The following BRAF variants were observed in gnomAD, a reference collection of about 807,000 sequenced individuals.
BRAF encodes the protein serine/threonine-protein kinase B-raf.
A neutral mutation model predicts 104.6 loss-of-function variants in BRAF; 16 were observed. The ratio of observed to expected loss-of-function variants is 0.15; its 90% confidence interval spans 0.10 to 0.23. The LOEUF is 0.23. Ranked by LOEUF, BRAF falls within the 10% of genes least tolerant of loss-of-function variation. The pLI, the probability that BRAF is intolerant of heterozygous loss-of-function variation, is 1.00. For missense variants in BRAF, 541 were observed against 937.3 expected (o/e 0.58, Z 5.52); for synonymous variants, 310 against 341.6 (o/e 0.91, Z 1.02).
At position 140,726,365 on chromosome 7, in the gene BRAF, C is replaced by T; in HGVS notation, c.*129G>A. The T allele has an allele frequency of 6.1e-6, 9 of 1,480,384 alleles. No individual in the cohort carries two copies. The highest frequency in any genetic ancestry group is 3.5e-4 in the Middle Eastern group (2 of 5,690). The allele number at this position is 1,480,384 out of a possible 1,614,324, so 91.7% of individuals were successfully genotyped here. On this transcript the variant is annotated 3_prime_UTR_variant, in exon 20 of 20. Transcript: ENST00000644969. Reference sequence around the variant, plus strand: ...GGATGGGAAATTCCATTCTGTTCCACATCAGCTTATGCATTGGAAATTTTG... The same window carrying T: ...GGATGGGAAATTCCATTCTGTTCCATATCAGCTTATGCATTGGAAATTTTG...
intron 14 of BRAF, among the ~76,000 whole-genome samples, chr7:140,759,615 A>G (rs990502479): frequency 5.9e-5 from 9 of 152,198 alleles, no homozygotes; most frequent in African/African-American, 2.2e-4. Context: ...TGAACTCCCG[A>G]CCTCAAGTGA....
intron 14 of BRAF, among the ~76,000 whole-genome samples, chr7:140,762,247 A>G (rs6960531): frequency 0.96 from 145,729 of 151,886 alleles, 69,988 homozygotes; most frequent in East Asian, 1. Flanking sequence ...ACTCAAAACC[A>G]CTCAACTACA....
chr7:140,725,112 G>A lies in BRAF; in HGVS notation c.*1382C>T. 2 of 1,042,902 alleles carry A rather than the reference G, an allele frequency of 1.9e-6. No individual in the cohort carries two copies. Among genetic ancestry groups the A allele is most frequent in the Non-Finnish European group, 2.3e-6 (2 of 865,186 alleles). 64.6% of individuals were successfully genotyped at this position (1,042,902 alleles called of 1,614,324 possible). On this transcript the variant is annotated 3_prime_UTR_variant, in exon 20 of 20. Coordinates refer to ENST00000644969, the MANE Select transcript of BRAF (RefSeq NM_001374258.1). ...AAATTGCCCAACCTTTTGAAGACCAGGCTTGGGAAAAAAGGAAGAAGGAGA... is the reference window on the plus strand; with the variant it reads ...AAATTGCCCAACCTTTTGAAGACCAAGCTTGGGAAAAAAGGAAGAAGGAGA...
rs1413343000 is a variant in BRAF, at chr7:140,781,646, A to G, written c.1482T>C (p.Asp494=). ...RDSSDDWEIP[D]GQITVGQRIG... is the part of the protein sequence containing the mutation. ...TTCTTTGTCCCACTGTAATCTGCCC[A>G]TCAGGAATCTCCCAATCATCACTCG... The change falls in exon 12 of 20, where the codon GAT becomes GAC. Residue 494 remains aspartate (D), a synonymous_variant. Coordinates refer to ENST00000644969, the MANE Select transcript of BRAF (RefSeq NM_001374258.1). 6.2e-7 allele frequency: 1 copy of G among 1,614,122 alleles called. No individual in the cohort carries two copies. The highest frequency in any genetic ancestry group is 2.2e-5 in the East Asian group (1 of 44,868).
chr7:140,848,158 G>A (rs546757556), intron 2 of BRAF, among the ~76,000 whole-genome samples: 1 of 152,270 alleles, frequency 6.6e-6, no homozygotes, highest in Admixed American at 6.5e-5. Flanking sequence ...GAAGGGAATA[G>A]AAATATTTAG....
chr7:140,864,430 A>G (rs1206660572), intron 1 of BRAF, among the ~76,000 whole-genome samples: 1 of 152,198 alleles, frequency 6.6e-6, no homozygotes, highest in African/African-American at 2.4e-5. Context: ...GAGGCTTACT[A>G]AATGATCAAG....
chr7:140,802,404 C>G (rs1254164310), intron 5 of BRAF, among the ~76,000 whole-genome samples: 2 of 146,908 alleles, frequency 1.4e-5, no homozygotes, highest in Non-Finnish European at 3.0e-5. Context: ...TCAAGTGATT[C>G]TCCTGCTTCA....
chr7:140,869,527 GGAGGCT>G (rs1317187062), intron 1 of BRAF, among the ~76,000 whole-genome samples: 2 of 152,084 alleles, frequency 1.3e-5, no homozygotes, highest in Admixed American at 1.3e-4. Context: ...CAGCTACTCA[GGAGGCT>G]GAGGCATGAG....
chr7:140,858,715 G>A (rs1340241141), intron 1 of BRAF, among the ~76,000 whole-genome samples: 1 of 151,966 alleles, frequency 6.6e-6, no homozygotes, highest in African/African-American at 2.4e-5. Context: ...TCCTACATAT[G>A]ATATTTTGGT....
chr7:140,781,640 C>T lies in BRAF; in HGVS notation c.1488G>A (p.Gln496=), dbSNP rs767473452. The T allele has an allele frequency of 1.2e-6, 2 of 1,614,134 alleles. No homozygotes were observed. Among genetic ancestry groups the T allele is most frequent in the Admixed American group, 1.7e-5 (1 of 60,014 alleles). Residue 496 remains glutamine, a synonymous_variant, in exon 12 of 20, where the codon CAG becomes CAA. Coordinates refer to ENST00000644969, the MANE Select transcript of BRAF (RefSeq NM_001374258.1). ...SSDDWEIPDG[Q]ITVGQRIGSG... The stretch of plus-strand genomic sequence containing the variant: ...ATCCAATTCTTTGTCCCACTGTAAT[C>T]TGCCCATCAGGAATCTCCCAATCAT...
chr7:140,771,065 T>C (rs1220809631), intron 14 of BRAF, among the ~76,000 whole-genome samples: 1 of 151,948 alleles, frequency 6.6e-6, no homozygotes, highest in Non-Finnish European at 1.5e-5. Context: ...GAATCAGAAA[T>C]AGTTTTTCAC....
In BRAF at chr7:140,810,074, A is replaced by G. The variant is rs189087431; in HGVS notation, c.505-1079T>C. ...TAGTTTGTAACAATAAGTTCCATTC[A>G]TTTAAATTGAGGTGCTTAGCAAACC... On this transcript the variant is annotated intron_variant, in intron 3 of 19. Coordinates refer to ENST00000644969, the MANE Select transcript of BRAF (RefSeq NM_001374258.1). Among the ~76,000 whole-genome samples the G allele has an allele frequency of 1.5e-3, 222 of 152,308 alleles. 1 individual carries two copies. The highest frequency in any genetic ancestry group is 4.0e-3 in the African/African-American group (168 of 41,570).
At chr7:140,740,857 A>AG (rs1474917320) in intron 17 of BRAF, 1 of 152,240 alleles carries the variant, frequency 6.6e-6, no homozygotes, top group Non-Finnish European at 1.5e-5. Context: ...GCCTCTATGT[A>AG]GTAGAGGTTA....
intron 2 of BRAF, among the ~76,000 whole-genome samples, chr7:140,836,848 G>A (rs1430472433): frequency 6.6e-6 from 1 of 152,130 alleles, no homozygotes; most frequent in African/African-American, 2.4e-5. Context: ...GGAACACAAA[G>A]GTTCCTCCTG....
chr7:140,739,895 G>A lies in BRAF; in HGVS notation c.2164C>T (p.Arg722Trp), dbSNP rs776664982. 8 of 1,613,392 alleles carry A rather than the reference G, an allele frequency of 5.0e-6. No individual in the cohort carries two copies. The highest frequency in any genetic ancestry group is 1.1e-5 in the South Asian group (1 of 91,050). The stretch of plus-strand genomic sequence containing the variant: ...TTCATGGCTTTTGGACAGTTACTCC[G>A]TACCTTACTGAGATCTGGAGACAGG... ...GYLSPDLSKV[R>W]SNCPKAMKRL... is the part of the protein sequence containing the mutation. Residue 722 changes from arginine (R) to tryptophan (W), a missense_variant, in exon 18 of 20, where the codon CGG becomes TGG. By Grantham distance (101) the Arg-to-Trp change is moderately radical. Transcript: ENST00000644969.
intron 5 of BRAF, 135 bp downstream of exon 5, chr7:140,807,825 A>G (rs1187958553): frequency 3.1e-6 from 2 of 652,176 alleles, no homozygotes; most frequent in Non-Finnish European, 5.2e-6. Context: ...TTTTTAAAGA[A>G]AACAACTGAT....
rs1372691963 is a variant in BRAF at position 140,810,020 on chromosome 7, T to C, written c.505-1025A>G. On this transcript the variant is annotated intron_variant, in intron 3 of 19. Transcript: ENST00000644969. Reference sequence around the variant, plus strand: ...GTGAATACAGAGGACACAGTTTTTATTGGGAGGTGTAAGAAGAAGGGGAAA... The same window carrying C: ...GTGAATACAGAGGACACAGTTTTTACTGGGAGGTGTAAGAAGAAGGGGAAA... Among the ~76,000 whole-genome samples the C allele has an allele frequency of 2.0e-5, 3 of 152,152 alleles. No individual in the cohort carries two copies. The East Asian group carries it at 5.8e-4, about 29-fold the overall frequency.
At chr7:140,714,578 C>T (rs1585872961), downstream of BRAF, among the ~76,000 whole-genome samples, 1 of 152,166 alleles carries the variant, frequency 6.6e-6, no homozygotes. Context: ...CCAAGCTGGT[C>T]TTGAAGTCGA....
At chr7:140,910,978 C>T (rs1276812595) in intron 1 of BRAF, among the ~76,000 whole-genome samples, 1 of 152,100 alleles carries the variant, frequency 6.6e-6, no homozygotes, top group African/African-American at 2.4e-5. Context: ...ACGCTAACTT[C>T]GCAGGACTGA....
Sources: gnomAD v4.1 joint callset for allele counts (sites outside exome capture counted in the v4.1 genomes callset) on GRCh38, gnomAD v4.1.1 for gene constraint, MANE v1.5 for transcripts, NCBI Gene and HGNC (gene_info 2026-07-23, HGNC 2026-07-21) for gene names.